The following ERC2 variants were observed in gnomAD, a reference collection of about 807,000 sequenced individuals.
The protein encoded by ERC2 is ERC protein 2.
Under a neutral mutation model 114.8 loss-of-function variants are expected in ERC2, and 42 were observed. That is an observed-to-expected ratio of 0.37 (90% CI 0.29 to 0.47). The LOEUF is 0.47. Among genes scored for constraint, ERC2 ranks in the 20% least tolerant of loss-of-function variants. The pLI is 0.99. For missense variants in ERC2, 939 were observed against 1,150.7 expected, an observed-to-expected ratio of 0.82 and a Z score of 2.66; for synonymous variants, 454 against 425.5, an observed-to-expected ratio of 1.07 and a Z score of -0.82.
intron 2 of ERC2, among the ~76,000 whole-genome samples, chr3:56,412,329 T>C (rs1576831082): frequency 6.6e-6 from 1 of 152,240 alleles, no homozygotes; most frequent in East Asian, 1.9e-4. Context: ...AGAGAAGAAA[T>C]TTCTATTGTT....
At chr3:55,632,712 G>C (rs1448914968) in intron 17 of ERC2, among the ~76,000 whole-genome samples, 2 of 152,150 alleles carry the variant, frequency 1.3e-5, no homozygotes, top group East Asian at 3.9e-4. Flanking sequence ...ATAATATTTA[G>C]AGCTGGTAGG....
At chr3:55,837,345 G>A (rs1455530384) in intron 14 of ERC2, among the ~76,000 whole-genome samples, 1 of 152,038 alleles carries the variant, frequency 6.6e-6, no homozygotes, top group Non-Finnish European at 1.5e-5. Flanking sequence ...CAAAGACTTG[G>A]AACCAACCCA....
chr3:55,782,667 CAA>C (rs2069150905), intron 14 of ERC2, among the ~76,000 whole-genome samples: 2 of 152,124 alleles, frequency 1.3e-5, no homozygotes, highest in Non-Finnish European at 2.9e-5. Flanking sequence ...GAATAGGGAG[CAA>C]AGATCGTATC....
intron 17 of ERC2, among the ~76,000 whole-genome samples, chr3:55,613,923 C>T (rs2059012410): frequency 7.7e-6 from 1 of 130,158 alleles, no homozygotes; most frequent in African/African-American, 3.0e-5. Context: ...GCAGAGGTTG[C>T]AGTAAGCCAG....
At chr3:56,122,179 G>A (rs1425520362) in intron 6 of ERC2, among the ~76,000 whole-genome samples, 1 of 152,196 alleles carries the variant, frequency 6.6e-6, no homozygotes, top group Non-Finnish European at 1.5e-5. Context: ...CCATTGACAG[G>A]GAGGCAGGTC....
intron 14 of ERC2, among the ~76,000 whole-genome samples, chr3:55,880,726 T>C (rs1474167651): frequency 6.6e-6 from 1 of 151,448 alleles, no homozygotes; most frequent in Non-Finnish European, 1.5e-5. Context: ...TTAATATTTT[T>C]AAAATTGGAC....
rs562278853 is a variant in ERC2 at position 56,078,346 on chromosome 3, G to T, written c.1641+2471C>A. Reference sequence around the variant, plus strand: ...TGGTAAAGCCTCTATAATTTGGTTTGAATCTAACTTTGTTTTTAAAATGTG... The same window carrying T: ...TGGTAAAGCCTCTATAATTTGGTTTTAATCTAACTTTGTTTTTAAAATGTG... On this transcript the variant is annotated intron_variant, in intron 7 of 17. Transcript: ENST00000288221. Among the ~76,000 whole-genome samples, 142 of 152,274 alleles carry T rather than the reference G, an allele frequency of 9.3e-4. 1 individual carries two copies. The highest frequency in any genetic ancestry group is 2.7e-3 in the African/African-American group (112 of 41,546).
At chr3:55,537,599 C>T (rs1050510257) in intron 17 of ERC2, among the ~76,000 whole-genome samples, 6 of 152,222 alleles carry the variant, frequency 3.9e-5, no homozygotes, top group African/African-American at 1.4e-4. Flanking sequence ...GCTCTCCCCG[C>T]TTACAAAGGC....
intron 12 of ERC2, among the ~76,000 whole-genome samples, chr3:55,975,109 G>C (rs950184714): frequency 6.6e-6 from 1 of 151,942 alleles, no homozygotes; most frequent in East Asian, 1.9e-4. Context: ...GAGTGGACAA[G>C]TTACTTAACT....
chr3:55,619,471 A>G (rs1037679983), intron 17 of ERC2, among the ~76,000 whole-genome samples: 1 of 152,242 alleles, frequency 6.6e-6, no homozygotes, highest in East Asian at 1.9e-4. Flanking sequence ...TCATAATTTC[A>G]TAATCAGTTC....
rs1179961338 is a variant in ERC2 at position 56,310,776 on chromosome 3, G to A, written c.658-14341C>T. The stretch of plus-strand genomic sequence containing the variant: ...TCACCTGGGATCTTGTCAGAAAGGT[G>A]GGATCTCAGGTCTCACCTCAGACCT... On this transcript the variant is annotated intron_variant, in intron 2 of 17. Coordinates refer to ENST00000288221, the MANE Select transcript of ERC2 (RefSeq NM_015576.3). Among the ~76,000 whole-genome samples the A allele has an allele frequency of 5.9e-5, 9 of 152,180 alleles. No homozygotes were observed. In the East Asian group the frequency reaches 1.5e-3, roughly 26 times the overall value.
intron 3 of ERC2, among the ~76,000 whole-genome samples, chr3:56,249,922 A>G (rs2052022348): frequency 6.7e-6 from 1 of 149,126 alleles, no homozygotes; most frequent in South Asian, 2.1e-4. Flanking sequence ...CAGTGGCACA[A>G]TATCGGCTCA....
intron 10 of ERC2, among the ~76,000 whole-genome samples, chr3:55,992,925 T>G (rs2071191470): frequency 6.6e-6 from 1 of 152,270 alleles, no homozygotes; most frequent in African/African-American, 2.4e-5. Flanking sequence ...CAGACAAGAA[T>G]CTGCAAACAC....
intron 17 of ERC2, among the ~76,000 whole-genome samples, chr3:55,620,748 T>A (rs919226489): frequency 6.6e-6 from 1 of 152,168 alleles, no homozygotes; most frequent in Non-Finnish European, 1.5e-5. Flanking sequence ...AGCACTCCGA[T>A]TCACTTAGCT....
chr3:55,754,146 T>C (rs2066899297), intron 14 of ERC2, among the ~76,000 whole-genome samples: 1 of 151,798 alleles, frequency 6.6e-6, no homozygotes, highest in African/African-American at 2.4e-5. Context: ...ATAAATATGT[T>C]CAAATCACCG....
chr3:56,122,233 A>C (rs1234097998), intron 6 of ERC2, among the ~76,000 whole-genome samples: 1 of 152,246 alleles, frequency 6.6e-6, no homozygotes, highest in East Asian at 1.9e-4. Context: ...CAACAAGTGC[A>C]AAAGGCAAAT....
rs952363041 is a variant in ERC2 at position 56,225,306 on chromosome 3, C to A, written c.1075-51786G>T. On this transcript the variant is annotated intron_variant, in intron 3 of 17. Coordinates refer to ENST00000288221, the MANE Select transcript of ERC2 (RefSeq NM_015576.3). ...AAGCTGGCCTGGCACTCACACCAGG[C>A]CATGATAATCCACAATTGGACATAA... Among the ~76,000 whole-genome samples, 4 of 152,228 alleles carry A rather than the reference C, an allele frequency of 2.6e-5. No homozygotes were observed. In the East Asian group the frequency reaches 7.7e-4, roughly 29 times the overall value.
intron 3 of ERC2, among the ~76,000 whole-genome samples, chr3:56,218,383 G>GA (rs2049646913): frequency 6.6e-6 from 1 of 152,036 alleles, no homozygotes. Flanking sequence ...AAAGACACAT[G>GA]AAAAAATGCT....
At chr3:56,212,664 C>T (rs956976296) in intron 3 of ERC2, among the ~76,000 whole-genome samples, 5 of 152,114 alleles carry the variant, frequency 3.3e-5, no homozygotes, top group Non-Finnish European at 4.4e-5. Context: ...ACGTTTATAG[C>T]GGCACAATTT....
Sources: allele counts gnomAD v4.1 joint callset (sites outside exome capture counted in the v4.1 genomes callset), GRCh38; gene constraint gnomAD v4.1.1; transcripts MANE v1.5; gene names NCBI Gene and HGNC (gene_info 2026-07-23, HGNC 2026-07-21).